CFAP61: variants seen among roughly 807,000 people sequenced by gnomAD.
CFAP61 encodes cilia and flagella associated protein 61.
A neutral mutation model predicts 135.6 loss-of-function variants in CFAP61; 107 were observed. The ratio of observed to expected loss-of-function variants is 0.79; its 90% CI spans 0.67 to 0.93. The LOEUF (loss-of-function observed/expected upper bound fraction) is 0.93. Among genes scored for constraint, CFAP61 ranks in the 40% least tolerant of loss-of-function variants. The pLI, the probability that CFAP61 is intolerant of heterozygous loss-of-function variation, is 0.00. For synonymous variants in CFAP61, 575 were observed against 578.5 expected (o/e 0.99, Z 0.09); for missense variants, 1,507 against 1,556.2 (o/e 0.97, Z 0.53).
chr20:20,360,433 A>G lies in CFAP61; in HGVS notation c.*23A>G. ...TAGTTGTAGGCAGGGTCTCCCCTTT[A>G]TGGTTTTCATTTATTTAGTTCCTGG... On this transcript the variant is annotated 3_prime_UTR_variant, in exon 27 of 27. Coordinates refer to ENST00000245957, the MANE Select transcript of CFAP61 (RefSeq NM_015585.4). 2 of 1,604,350 alleles carry G rather than the reference A, an allele frequency of 1.2e-6. No homozygotes were observed. Among genetic ancestry groups the G allele is most frequent in the African/African-American group, 1.3e-5 (1 of 74,560 alleles).
intron 21 of CFAP61, among the ~76,000 whole-genome samples, chr20:20,275,766 G>A (rs545666001): frequency 2.0e-5 from 3 of 152,282 alleles, no homozygotes; most frequent in East Asian, 1.9e-4. Context: ...TATAGTTTTC[G>A]GTTCAAGTTT....
At chr20:20,201,258 G>A (rs997331020) in intron 17 of CFAP61, among the ~76,000 whole-genome samples, 5 of 152,122 alleles carry the variant, frequency 3.3e-5, no homozygotes, top group African/African-American at 4.8e-5. Context: ...TCATAGACTT[G>A]TAATAGTTTG....
At chr20:20,256,616 G>A (rs895381384) in intron 20 of CFAP61, among the ~76,000 whole-genome samples, 1 of 152,184 alleles carries the variant, frequency 6.6e-6, no homozygotes, top group African/African-American at 2.4e-5. Flanking sequence ...TAAACAGTTA[G>A]TGATGCTGAA....
chr20:20,158,814 G>A (rs1020643588), intron 9 of CFAP61, among the ~76,000 whole-genome samples: 4 of 152,112 alleles, frequency 2.6e-5, no homozygotes, highest in Non-Finnish European at 5.9e-5. Context: ...TCATTATCTT[G>A]ATCACAGTGA....
chr20:20,183,584 T>C (rs1230773811), intron 13 of CFAP61, among the ~76,000 whole-genome samples: 1 of 152,250 alleles, frequency 6.6e-6, no homozygotes, highest in Non-Finnish European at 1.5e-5. Flanking sequence ...TGTGTAATTT[T>C]AGATTTTTGA....
intron 22 of CFAP61, among the ~76,000 whole-genome samples, chr20:20,282,626 T>C (rs1290608533): frequency 6.6e-6 from 1 of 152,200 alleles, no homozygotes; most frequent in Non-Finnish European, 1.5e-5. Context: ...GTAATGCTGT[T>C]GTGATCAGAG....
At chr20:20,192,873 T>C (rs1466558707) in intron 15 of CFAP61, among the ~76,000 whole-genome samples, 1 of 152,178 alleles carries the variant, frequency 6.6e-6, no homozygotes, top group Non-Finnish European at 1.5e-5. Flanking sequence ...TCAATCACCT[T>C]TATGAAATAT....
intron 7 of CFAP61, among the ~76,000 whole-genome samples, chr20:20,093,882 C>G (rs777461184): frequency 6.6e-6 from 1 of 151,998 alleles, no homozygotes; most frequent in African/African-American, 2.4e-5. Flanking sequence ...ATTTTGGACA[C>G]TCACTATGTT....
intron 17 of CFAP61, among the ~76,000 whole-genome samples, chr20:20,213,932 GC>G (rs925412977): frequency 5.6e-5 from 6 of 107,276 alleles, no homozygotes; most frequent in African/African-American, 2.2e-4. Context: ...CCCCCTCCCC[GC>G]CCCCTCATAT....
intron 6 of CFAP61, among the ~76,000 whole-genome samples, chr20:20,079,954 A>AT (rs2046319471): frequency 1.3e-5 from 2 of 152,116 alleles, no homozygotes; most frequent in Admixed American, 1.3e-4. Context: ...AGGAAATTAT[A>AT]TTTTTTAAAG....
intron 25 of CFAP61, among the ~76,000 whole-genome samples, chr20:20,315,313 T>G (rs1407817330): frequency 6.6e-6 from 1 of 151,176 alleles, no homozygotes; most frequent in South Asian, 2.1e-4. Context: ...TTTCATGTGT[T>G]TTTTGGCTGC....
chr20:20,294,890 TGCAGTCC>T (rs1240952178), intron 24 of CFAP61, among the ~76,000 whole-genome samples: 2 of 150,408 alleles, frequency 1.3e-5, no homozygotes, highest in African/African-American at 4.9e-5. Flanking sequence ...ATTGCGCCAC[TGCAGTCC>T]GCAGTCCGGC....
At chr20:20,221,484 A>G (rs2048398504) in intron 17 of CFAP61, among the ~76,000 whole-genome samples, 1 of 152,214 alleles carries the variant, frequency 6.6e-6, no homozygotes, top group Admixed American at 6.5e-5. Context: ...TGTACTATTA[A>G]GAAAAAAAAT....
intron 9 of CFAP61, among the ~76,000 whole-genome samples, chr20:20,153,926 A>G (rs1392793480): frequency 6.6e-6 from 1 of 152,094 alleles, no homozygotes; most frequent in Non-Finnish European, 1.5e-5. Flanking sequence ...ACTATAGACT[A>G]ATAATCCTGA....
chr20:20,161,052 C>T (rs920995789), intron 10 of CFAP61, among the ~76,000 whole-genome samples: 4 of 152,208 alleles, frequency 2.6e-5, no homozygotes, highest in African/African-American at 7.2e-5. Flanking sequence ...CCTGGCTTTG[C>T]TCCCCAAGTA....
intron 25 of CFAP61, among the ~76,000 whole-genome samples, chr20:20,313,552 G>A (rs1157099170): frequency 6.6e-6 from 1 of 152,200 alleles, no homozygotes; most frequent in Non-Finnish European, 1.5e-5. Flanking sequence ...TGATGGGAAT[G>A]GCATCCATGT....
intron 25 of CFAP61, among the ~76,000 whole-genome samples, chr20:20,311,637 G>C (rs941347852): frequency 1.1e-4 from 16 of 151,982 alleles, no homozygotes; most frequent in African/African-American, 3.4e-4. Context: ...TGAGGGTCCG[G>C]GGAGACCAAG....
At chr20:20,102,649 A>T (rs1241176502) in intron 8 of CFAP61, among the ~76,000 whole-genome samples, 1 of 151,886 alleles carries the variant, frequency 6.6e-6, no homozygotes, top group Non-Finnish European at 1.5e-5. Flanking sequence ...CTCCACCCTC[A>T]AAAGGCCCCA....
chr20:20,140,027 T>G (rs1046184470), intron 8 of CFAP61, among the ~76,000 whole-genome samples: 1 of 151,896 alleles, frequency 6.6e-6, no homozygotes, highest in Non-Finnish European at 1.5e-5. Context: ...AGTTTTCTGC[T>G]GATCAAAAGT....
Sources: allele counts gnomAD v4.1 joint callset (sites outside exome capture counted in the v4.1 genomes callset), GRCh38; gene constraint gnomAD v4.1.1; transcripts MANE v1.5; gene names NCBI Gene and HGNC (gene_info 2026-07-23, HGNC 2026-07-21).